The following VWDE variants were observed in gnomAD, a reference collection of about 807,000 sequenced individuals.
The protein encoded by VWDE is von Willebrand factor D and EGF domains.
Under a neutral mutation model 178.4 loss-of-function variants are expected in VWDE, and 207 were observed. The observed-to-expected ratio is 1.16, with a 90% CI of 1.04 to 1.30. The LOEUF (loss-of-function observed/expected upper bound fraction) is 1.30, where lower values mean the gene tolerates loss of function less well. Ranked by LOEUF, VWDE falls within the 50% of genes most tolerant of loss-of-function variation. The pLI is 0.00. For synonymous variants in VWDE, 738 were observed against 651.4 expected, an observed-to-expected ratio of 1.13 and a Z score of -2.02; for missense variants, 2,287 against 1,901.3, an observed-to-expected ratio of 1.20 and a Z score of -3.77.
At chr7:12,354,352 T>C (rs756031741) in intron 18 of VWDE, 4 of 421,332 alleles carry the variant, frequency 9.5e-6, no homozygotes, top group South Asian at 3.5e-5. Flanking sequence ...ACTTTTACCA[T>C]GGCATATTTT....
intron 13 of VWDE, among the ~76,000 whole-genome samples, chr7:12,365,760 A>G (rs1395534037): frequency 6.6e-6 from 1 of 152,132 alleles, no homozygotes; most frequent in Non-Finnish European, 1.5e-5. Flanking sequence ...AAAACCCAGC[A>G]CTGGGCAAGA....
chr7:12,381,012 G>C (rs1028465846), intron 4 of VWDE, among the ~76,000 whole-genome samples: 1 of 152,076 alleles, frequency 6.6e-6, no homozygotes, highest in African/African-American at 2.4e-5. Flanking sequence ...AAAGAAATTT[G>C]CATTCTTTGA....
chr7:12,345,221 C>G lies in VWDE; in HGVS notation c.3887-752G>C, dbSNP rs1236320559. On this transcript the variant is annotated intron_variant, in intron 19 of 28. Coordinates refer to ENST00000275358, the MANE Select transcript of VWDE (RefSeq NM_001135924.3). ...ATAACTCAGCAGACCCACTTTTGTT[C>G]TTTCAAAATGTGATGAGAATACAGT... Among the ~76,000 whole-genome samples, 3 of 151,864 alleles carry G rather than the reference C, an allele frequency of 2.0e-5. No homozygotes were observed. In the East Asian group the frequency reaches 5.8e-4, roughly 29 times the overall value.
intron 3 of VWDE, among the ~76,000 whole-genome samples, chr7:12,387,408 G>A (rs1784156119): frequency 6.6e-6 from 1 of 151,948 alleles, no homozygotes; most frequent in Non-Finnish European, 1.5e-5. Flanking sequence ...TATTTTTGCT[G>A]ACATTAAGAG....
chr7:12,336,338 C>T, intron 26 of VWDE, 102 bp from the exon 27 acceptor site: 3 of 940,306 alleles, frequency 3.2e-6, no homozygotes, highest in East Asian at 2.8e-5. Context: ...GAAATAGTTA[C>T]AAGTAAGTGA....
At chr7:12,378,541 C>T (rs1426812315) in intron 6 of VWDE, among the ~76,000 whole-genome samples, 1 of 152,138 alleles carries the variant, frequency 6.6e-6, no homozygotes, top group African/African-American at 2.4e-5. Context: ...GCTCTCAAAA[C>T]AGATGATTCT....
At chr7:12,365,517 A>T (rs1397599097) in intron 13 of VWDE, among the ~76,000 whole-genome samples, 1 of 152,104 alleles carries the variant, frequency 6.6e-6, no homozygotes, top group African/African-American at 2.4e-5. Flanking sequence ...CCAATCTTCG[A>T]AGGGAACTGA....
In VWDE at chr7:12,370,092, G is replaced by A; in HGVS notation, c.2214C>T (p.His738=). The stretch of plus-strand genomic sequence containing the variant: ...GTCGATTGTACCTCATTTCTTGGCT[G>A]TGGCTTCCCCGGCCTTGTGTATATT... ...NKKYTQGRGS[H]SQEMRYNRQN... is the part of the protein sequence containing the mutation. Residue 738 remains histidine, a synonymous_variant, in exon 12 of 29, where the codon CAC becomes CAT. Transcript: ENST00000275358. 1 of 1,551,548 alleles carries A rather than the reference G, an allele frequency of 6.4e-7. No homozygotes were observed.
At chr7:12,402,131 T>C (rs1784926985) in intron 1 of VWDE, among the ~76,000 whole-genome samples, 1 of 152,180 alleles carries the variant, frequency 6.6e-6, no homozygotes, top group South Asian at 2.1e-4. Flanking sequence ...TAATTCCTTA[T>C]CGCTGGGGAG....
intron 4 of VWDE, among the ~76,000 whole-genome samples, chr7:12,381,131 C>T (rs1176813000): frequency 6.6e-6 from 1 of 152,182 alleles, no homozygotes; most frequent in Non-Finnish European, 1.5e-5. Context: ...AAATTACTTT[C>T]TCTCTTACTG....
intron 1 of VWDE, among the ~76,000 whole-genome samples, chr7:12,403,104 A>G (rs979075765): frequency 3.9e-5 from 6 of 152,238 alleles, no homozygotes; most frequent in Admixed American, 3.9e-4. Context: ...TTCGCTCCAC[A>G]GAGATCTCTT....
chr7:12,402,734 T>C (rs999785727), intron 1 of VWDE, among the ~76,000 whole-genome samples: 2 of 152,216 alleles, frequency 1.3e-5, no homozygotes, highest in Non-Finnish European at 1.5e-5. Flanking sequence ...AATTTGATTT[T>C]AGTATTTTAT....
At chr7:12,377,687 T>C in intron 7 of VWDE, 89 bp downstream of exon 7, 2 of 768,056 alleles carry the variant, frequency 2.6e-6, no homozygotes, top group Admixed American at 4.1e-5. Flanking sequence ...ATTTATTATA[T>C]GAGTACACTC....
chr7:12,372,283 T>C (rs1252787858), intron 10 of VWDE, among the ~76,000 whole-genome samples: 1 of 152,066 alleles, frequency 6.6e-6, no homozygotes, highest in Non-Finnish European at 1.5e-5. Context: ...TTTCCTAATT[T>C]TTGATTTGCA....
intron 1 of VWDE, among the ~76,000 whole-genome samples, chr7:12,401,971 T>C (rs1784918223): frequency 6.6e-6 from 1 of 152,182 alleles, no homozygotes; most frequent in Non-Finnish European, 1.5e-5. Context: ...TAAAAAGGAA[T>C]GAAATACTGG....
intron 6 of VWDE, among the ~76,000 whole-genome samples, chr7:12,378,984 C>T (rs1783687422): frequency 6.6e-6 from 1 of 152,134 alleles, no homozygotes; most frequent in African/African-American, 2.4e-5. Flanking sequence ...CCTGTCATCT[C>T]TGCTCATCTG....
chr7:12,388,844 G>T (rs1321475029), intron 3 of VWDE: 2 of 574,190 alleles, frequency 3.5e-6, no homozygotes, highest in Non-Finnish European at 6.6e-6. Context: ...GAATGGACTT[G>T]AGGAAACCAA....
chr7:12,344,244 A>G lies in VWDE; in HGVS notation c.4029T>C (p.Pro1343=), dbSNP rs1388099086. ...DCKNHGKCIK[P]NICQCLPGHG... ...GTCCTGGAAGACACTGACAAATGTT[A>G]GGCTTAATACATTTTCCATGGTTTT... The change falls in exon 21 of 29, where the codon CCT becomes CCC. Residue 1343 remains proline (P), a synonymous_variant. Coordinates refer to ENST00000275358, the MANE Select transcript of VWDE (RefSeq NM_001135924.3). 1.9e-6 allele frequency: 3 copies of G among 1,551,234 alleles called. No homozygotes were observed. The highest frequency in any genetic ancestry group is 2.6e-6 in the Non-Finnish European group (3 of 1,146,714).
intron 24 of VWDE, among the ~76,000 whole-genome samples, chr7:12,337,719 A>G (rs1781120331): frequency 6.6e-6 from 1 of 152,184 alleles, no homozygotes; most frequent in Admixed American, 6.5e-5. Context: ...TACTGAGGTT[A>G]TGAAGGCACA....
Sources: allele counts gnomAD v4.1 joint callset (sites outside exome capture counted in the v4.1 genomes callset), GRCh38; gene constraint gnomAD v4.1.1; transcripts MANE v1.5; gene names NCBI Gene and HGNC (gene_info 2026-07-23, HGNC 2026-07-21).